HSBP1L1: variants seen among roughly 807,000 people sequenced by gnomAD.
HSBP1L1 encodes the protein heat shock factor-binding protein 1-like protein 1.
Under a neutral mutation model 9.7 loss-of-function variants are expected in HSBP1L1, and 8 were observed. The observed-to-expected ratio is 0.82, with a 90% CI of 0.48 to 1.48. HSBP1L1 has a LOEUF of 1.48. HSBP1L1 is among the 40% of genes most tolerant of loss of function. The pLI is 0.00. For missense variants in HSBP1L1, 106 were observed against 95.8 expected, an observed-to-expected ratio of 1.11 and a Z score of -0.44; for synonymous variants, 39 against 34.4, an observed-to-expected ratio of 1.13 and a Z score of -0.46.
rs373769693 is a variant in HSBP1L1, at chr18:79,969,105, C to T, written c.213+922C>T. Among the ~76,000 whole-genome samples the T allele has an allele frequency of 6.7e-5, 10 of 150,100 alleles. No individual in the cohort carries two copies. In the East Asian group the frequency reaches 8.0e-4, roughly 12 times the overall value. ...TTGGGAGGCTGAGGCGGGAGAATGC[C>T]GTGAACCCGGGAGGCAGAGCTTGCA... On this transcript the variant is annotated intron_variant, in intron 3 of 3. Coordinates refer to ENST00000451882, the MANE Select transcript of HSBP1L1 (RefSeq NM_001136180.2).
intron 3 of HSBP1L1, among the ~76,000 whole-genome samples, chr18:79,969,384 A>AAAG (rs1482191040): frequency 3.4e-5 from 2 of 59,116 alleles, no homozygotes; most frequent in Admixed American, 4.1e-4. Flanking sequence ...AGAAAGAAAG[A>AAAG]AAGAAAGAAA....
At chr18:79,969,330 A>AAAGAAAGAAAGAAAG (rs2051278313) in intron 3 of HSBP1L1, among the ~76,000 whole-genome samples, 1 of 66,772 alleles carries the variant, frequency 1.5e-5, no homozygotes, top group Non-Finnish European at 3.0e-5. Context: ...AGAAAGAAAG[A>AAAGAAAGAAAGAAAG]AAAAGAAAGA....
chr18:79,968,115 G>T lies in HSBP1L1; in HGVS notation c.145G>T (p.Asp49Tyr), dbSNP rs745839531. The change falls in exon 3 of 4, where the codon GAC (aspartate) becomes TAC (tyrosine). Residue 49 changes from aspartate to tyrosine, a missense_variant. Physicochemically the swap from Asp to Tyr is radical, Grantham distance 160. Coordinates refer to ENST00000451882, the MANE Select transcript of HSBP1L1 (RefSeq NM_001136180.2). The part of the protein sequence containing the change: ...RMEEMGNRIE[D>Y]LQKNVKDLMV... ...GGAAGAAATGGGAAATCGCATTGAG[G>T]ACTTACAGAAGAATGTCAAGGACTT... The T allele has an allele frequency of 1.3e-6, 2 of 1,550,052 alleles. No homozygotes were observed. Among genetic ancestry groups the T allele is most frequent in the Non-Finnish European group, 1.7e-6 (2 of 1,145,594 alleles).
Position 79,966,676 on chromosome 18 carries a change from G to T in HSBP1L1, c.116G>T (p.Arg39Ile), listed in dbSNP as rs745646254. 1.6e-5 allele frequency: 24 copies of T among 1,543,998 alleles called. No individual in the cohort carries two copies. Among genetic ancestry groups the T allele is most frequent in the Non-Finnish European group, 2.0e-5 (23 of 1,140,638 alleles). The change falls in exon 2 of 4, where the codon AGA (arginine) becomes ATA (isoleucine). Residue 39 changes from arginine to isoleucine, a missense_variant and splice_region_variant. Transcript: ENST00000451882. The part of the protein sequence containing the change: ...FQALTATLNL[R>I]MEEMGNRIED... ...GCTCTGACGGCAACATTAAACCTCA[G>T]AAATATCCTTTTCTACCTTTAACAA...
At chr18:79,968,844 G>A (rs1366303431) in intron 3 of HSBP1L1, among the ~76,000 whole-genome samples, 7 of 151,896 alleles carry the variant, frequency 4.6e-5, no homozygotes. Context: ...ACAAAAGAAT[G>A]CTAGGATCAG....
At chr18:79,968,516 G>A (rs1017141184) in intron 3 of HSBP1L1, among the ~76,000 whole-genome samples, 11 of 152,134 alleles carry the variant, frequency 7.2e-5, no homozygotes, top group Non-Finnish European at 2.9e-5. Context: ...AGTACAGACG[G>A]GGTTTCACTA....
chr18:79,970,197 A>G (rs4799113), intron 3 of HSBP1L1: 364,920 of 451,140 alleles, frequency 0.81, 149,671 homozygotes, highest in East Asian at 0.89. Flanking sequence ...CTTCTCTGCC[A>G]AATATCTACC....
Position 79,964,730 on chromosome 18 carries a change from G to A in HSBP1L1, c.-6G>A. On this transcript the variant is annotated 5_prime_UTR_variant, in exon 1 of 4. Coordinates refer to ENST00000451882, the MANE Select transcript of HSBP1L1 (RefSeq NM_001136180.2). ...CCCCCACTGACGCCCCCGGCCAGCG[G>A]TCCACATGGACGTGCGGGGCCCTGA... 1 of 1,419,918 alleles carries A rather than the reference G, an allele frequency of 7.0e-7. No individual in the cohort carries two copies. Among genetic ancestry groups the A allele is most frequent in the Non-Finnish European group, 9.2e-7 (1 of 1,088,890 alleles). The allele number at this position is 1,419,918 out of a possible 1,614,324, so 88.0% of individuals were successfully genotyped here.
At chr18:79,968,011 C>T in intron 2 of HSBP1L1, 78 bp from the exon 3 acceptor site, 4 of 773,120 alleles carry the variant, frequency 5.2e-6, no homozygotes, top group East Asian at 2.8e-5. Context: ...CCATGGGAGG[C>T]GGAGTCTCTG....
chr18:79,969,394 A>AGAAAGAAAGAAAAGAAAG, intron 3 of HSBP1L1, among the ~76,000 whole-genome samples: 1 of 80,302 alleles, frequency 1.2e-5, no homozygotes, highest in Non-Finnish European at 2.5e-5. Flanking sequence ...AAAGAAAGAA[A>AGAAAGAAAGAAAAGAAAG]AAAAAACGAT....
chr18:79,964,669 C>T lies in HSBP1L1; in HGVS notation c.-67C>T, dbSNP rs1568355058. 11 of 919,764 alleles carry T rather than the reference C, an allele frequency of 1.2e-5. No homozygotes were observed. In the South Asian group the frequency reaches 1.6e-4, roughly 13 times the overall value. 57.0% of individuals were successfully genotyped at this position (919,764 alleles called of 1,614,324 possible). On this transcript the variant is annotated 5_prime_UTR_variant, in exon 1 of 4. Transcript: ENST00000451882. ...TACGGGAATCGCGGAGCTTAGCTGT[C>T]GCCACCTCGCGCCGGGTCCGCGCGG...
At position 79,966,531 on chromosome 18, in the gene HSBP1L1, A is replaced by G. The variant is rs1410054475; in HGVS notation, c.52-81A>G. 1.5e-5 allele frequency: 15 copies of G among 1,020,148 alleles called. No individual in the cohort carries two copies. In the African/African-American group the frequency reaches 2.2e-4, roughly 15 times the overall value. The allele number at this position is 1,020,148 out of a possible 1,614,324, so 63.2% of individuals were successfully genotyped here. ...GCACTCCAGCCTGGGCAACAAAACA[A>G]GACTTCATCTCAGAAAAAAAAAAAA... is the stretch of plus-strand genomic sequence containing the variant. On this transcript the variant is annotated intron_variant, in intron 1 of 3. Coordinates refer to ENST00000451882, the MANE Select transcript of HSBP1L1 (RefSeq NM_001136180.2).
In HSBP1L1 at chr18:79,964,709, C is replaced by G. The variant is rs1236739179; in HGVS notation, c.-27C>G. ...GGTCCGCGCGGCCCACGGGACCCCCCACTGACGCCCCCGGCCAGCGGTCCA... is the reference window on the plus strand; with the variant it reads ...GGTCCGCGCGGCCCACGGGACCCCCGACTGACGCCCCCGGCCAGCGGTCCA... On this transcript the variant is annotated 5_prime_UTR_variant, in exon 1 of 4. Coordinates refer to ENST00000451882, the MANE Select transcript of HSBP1L1 (RefSeq NM_001136180.2). 8 of 1,371,154 alleles carry G rather than the reference C, an allele frequency of 5.8e-6. No homozygotes were observed. The highest frequency in any genetic ancestry group is 3.0e-5 in the Admixed American group (1 of 33,216). 84.9% of individuals were successfully genotyped at this position (1,371,154 alleles called of 1,614,324 possible).
intron 3 of HSBP1L1, among the ~76,000 whole-genome samples, chr18:79,968,793 T>TCAC (rs1979006122): frequency 2.0e-5 from 3 of 152,066 alleles, no homozygotes; most frequent in Admixed American, 1.3e-4. Flanking sequence ...CAGGGCACTG[T>TCAC]AGGCATTCTC....
At chr18:79,965,744 GT>G (rs1352606097) in intron 1 of HSBP1L1, among the ~76,000 whole-genome samples, 4 of 152,130 alleles carry the variant, frequency 2.6e-5, no homozygotes, top group Admixed American at 6.5e-5. Context: ...GCCAAGGTGT[GT>G]GATCTCCTGC....
At chr18:79,966,057 G>A (rs1034266484) in intron 1 of HSBP1L1, among the ~76,000 whole-genome samples, 1 of 151,750 alleles carries the variant, frequency 6.6e-6, no homozygotes, top group African/African-American at 2.4e-5. Context: ...TCAGCCTCCC[G>A]AGTAGCTGGG....
intron 3 of HSBP1L1, chr18:79,969,964 G>C (rs141086421): frequency 1.1e-3 from 179 of 163,932 alleles, no homozygotes; most frequent in African/African-American, 3.2e-3. Flanking sequence ...CTTGTCACCT[G>C]CATTAGCTGC....
chr18:79,966,095 C>A (rs1419345424), intron 1 of HSBP1L1, among the ~76,000 whole-genome samples: 3 of 152,280 alleles, frequency 2.0e-5, no homozygotes, highest in Non-Finnish European at 4.4e-5. Context: ...CTGCACCCAG[C>A]TAATTTTTTG....
chr18:79,966,259 G>A (rs567792084), intron 1 of HSBP1L1, among the ~76,000 whole-genome samples: 6 of 152,008 alleles, frequency 3.9e-5, no homozygotes, highest in Admixed American at 2.0e-4. Flanking sequence ...AATGTCATAC[G>A]TGGGCCAGGT....
Sources: gnomAD v4.1 joint callset for allele counts (sites outside exome capture counted in the v4.1 genomes callset) on GRCh38, gnomAD v4.1.1 for gene constraint, MANE v1.5 for transcripts, NCBI Gene and HGNC (gene_info 2026-07-23, HGNC 2026-07-21) for gene names.